The following CFAP299 variants were observed in gnomAD, a reference collection of about 807,000 sequenced individuals.
CFAP299 encodes cilia- and flagella-associated protein 299.
In CFAP299, 21 loss-of-function variants were observed where a neutral mutation model predicts 27.0. That is an observed-to-expected ratio of 0.78 (90% confidence interval 0.55 to 1.12). The LOEUF is 1.12. CFAP299 is among the 50% of genes most tolerant of loss of function. CFAP299 has a pLI of 0.00. For synonymous variants in CFAP299, 104 were observed against 98.1 expected (o/e 1.06, Z -0.36); for missense variants, 310 against 276.6 (o/e 1.12, Z -0.86).
intron 2 of CFAP299, among the ~76,000 whole-genome samples, chr4:80,500,276 G>A (rs898805907): frequency 6.6e-6 from 1 of 151,994 alleles, no homozygotes; most frequent in African/African-American, 2.4e-5. Context: ...CATTCTCCTG[G>A]GCCTTCTTCC....
At chr4:80,512,262 G>C (rs1292855279) in intron 2 of CFAP299, among the ~76,000 whole-genome samples, 1 of 151,600 alleles carries the variant, frequency 6.6e-6, no homozygotes, top group Non-Finnish European at 1.5e-5. Context: ...GTGTGTAGAA[G>C]AAACAGTCAC....
intron 1 of CFAP299, among the ~76,000 whole-genome samples, chr4:80,338,372 A>T (rs891577352): frequency 2.0e-4 from 30 of 152,200 alleles, no homozygotes; most frequent in African/African-American, 6.5e-4. Context: ...TCACAATGTT[A>T]TACAAGAGAT....
intron 4 of CFAP299, among the ~76,000 whole-genome samples, chr4:80,902,348 G>T (rs906150927): frequency 1.4e-5 from 2 of 140,230 alleles, no homozygotes; most frequent in Admixed American, 7.3e-5. Context: ...CCATATATAT[G>T]GATATATATG....
intron 3 of CFAP299, among the ~76,000 whole-genome samples, chr4:80,608,677 T>C (rs1737808123): frequency 6.6e-6 from 1 of 152,150 alleles, no homozygotes; most frequent in South Asian, 2.1e-4. Context: ...TAAAATCTTA[T>C]TTTTTAAAGA....
intron 3 of CFAP299, among the ~76,000 whole-genome samples, chr4:80,701,081 T>G (rs534876618): frequency 6.6e-6 from 1 of 152,050 alleles, no homozygotes. Flanking sequence ...CAAGTTCATA[T>G]TTTTAAGCAC....
chr4:80,790,156 T>C (rs542130719), intron 3 of CFAP299, among the ~76,000 whole-genome samples: 1 of 152,198 alleles, frequency 6.6e-6, no homozygotes, highest in African/African-American at 2.4e-5. Context: ...CAAAATTTGC[T>C]ATTTAAGGGT....
intron 2 of CFAP299, among the ~76,000 whole-genome samples, chr4:80,413,056 C>T (rs373747698): frequency 8.5e-5 from 13 of 152,126 alleles, no homozygotes; most frequent in Non-Finnish European, 1.2e-4. Context: ...TTAAAATGTA[C>T]GATTGAGAAA....
chr4:80,804,883 A>T (rs1433143907), intron 3 of CFAP299, among the ~76,000 whole-genome samples: 1 of 152,086 alleles, frequency 6.6e-6, no homozygotes, highest in Non-Finnish European at 1.5e-5. Flanking sequence ...GTAATTACTG[A>T]TAAGGAGAGA....
chr4:80,557,467 A>G, intron 2 of CFAP299, among the ~76,000 whole-genome samples: 1 of 152,150 alleles, frequency 6.6e-6, no homozygotes, highest in Non-Finnish European at 1.5e-5. Flanking sequence ...TAAGATACTT[A>G]TACTATAGAA....
At chr4:80,912,693 A>G (rs1208014313) in intron 4 of CFAP299, among the ~76,000 whole-genome samples, 2 of 152,164 alleles carry the variant, frequency 1.3e-5, no homozygotes, top group African/African-American at 4.8e-5. Context: ...TGTGTCTGAT[A>G]TGTCAGAATC....
chr4:80,729,677 A>G lies in CFAP299; in HGVS notation c.334-140316A>G, dbSNP rs553591104. Among the ~76,000 whole-genome samples, 7 of 138,748 alleles carry G rather than the reference A, an allele frequency of 5.0e-5. 1 individual carries two copies. The highest frequency in any genetic ancestry group is 1.9e-4 in the African/African-American group (7 of 36,882). 91.0% of individuals were successfully genotyped at this position (138,748 alleles called of 152,430 possible). On this transcript the variant is annotated intron_variant, in intron 3 of 5. Coordinates refer to ENST00000358105, the MANE Select transcript of CFAP299 (RefSeq NM_152770.3). ...TGCAGTGGCAAGATCTTGGCTCACT[A>G]CAAGCTCCACCTTCCGGGTTCATGC...
At chr4:80,938,753 A>C (rs1408783716) in intron 4 of CFAP299, among the ~76,000 whole-genome samples, 1 of 152,084 alleles carries the variant, frequency 6.6e-6, no homozygotes, top group Admixed American at 6.6e-5. Flanking sequence ...TTATACTTTT[A>C]TGTTTTCATG....
intron 2 of CFAP299, among the ~76,000 whole-genome samples, chr4:80,522,561 A>G (rs569348794): frequency 6.6e-6 from 1 of 152,204 alleles, no homozygotes; most frequent in South Asian, 2.1e-4. Flanking sequence ...GTGTCATACA[A>G]GAAATCATTT....
At chr4:80,511,519 G>A (rs1444370420) in intron 2 of CFAP299, among the ~76,000 whole-genome samples, 1 of 152,016 alleles carries the variant, frequency 6.6e-6, no homozygotes, top group Non-Finnish European at 1.5e-5. Flanking sequence ...TTCAAAATGA[G>A]TTTTTCATAT....
intron 2 of CFAP299, among the ~76,000 whole-genome samples, chr4:80,426,517 G>T (rs1286295245): frequency 1.3e-5 from 2 of 152,166 alleles, no homozygotes; most frequent in Non-Finnish European, 2.9e-5. Flanking sequence ...ATTCAGCATT[G>T]CTGGTTTGAG....
chr4:80,490,632 G>T (rs1000255621), intron 2 of CFAP299, among the ~76,000 whole-genome samples: 1 of 152,156 alleles, frequency 6.6e-6, no homozygotes, highest in Non-Finnish European at 1.5e-5. Flanking sequence ...TATTCTTACA[G>T]AAATAGTATA....
chr4:80,792,050 A>T (rs1429441480), intron 3 of CFAP299, among the ~76,000 whole-genome samples: 1 of 152,062 alleles, frequency 6.6e-6, no homozygotes, highest in Non-Finnish European at 1.5e-5. Context: ...GAACATTTAT[A>T]TAATGTTATC....
At chr4:80,736,855 C>T (rs1454086445) in intron 3 of CFAP299, among the ~76,000 whole-genome samples, 1 of 152,138 alleles carries the variant, frequency 6.6e-6, no homozygotes, top group African/African-American at 2.4e-5. Flanking sequence ...TATAAAGACA[C>T]ATGCACAGGT....
intron 2 of CFAP299, among the ~76,000 whole-genome samples, chr4:80,472,700 G>T (rs1420596102): frequency 6.6e-6 from 1 of 152,164 alleles, no homozygotes; most frequent in African/African-American, 2.4e-5. Context: ...TGCAGTTTAT[G>T]TAGCATTTTC....
Sources: allele counts gnomAD v4.1 joint callset (sites outside exome capture counted in the v4.1 genomes callset), GRCh38; gene constraint gnomAD v4.1.1; transcripts MANE v1.5; gene names NCBI Gene and HGNC (gene_info 2026-07-23, HGNC 2026-07-21).